Variants in TNKS2 observed in about 807,000 individuals in gnomAD.
The protein encoded by TNKS2 is tankyrase 2, also known as poly [ADP-ribose] polymerase tankyrase-2.
A neutral mutation model predicts 137.6 loss-of-function variants in TNKS2; 72 were observed. That is an observed-to-expected ratio of 0.52 (90% CI 0.43 to 0.64). TNKS2 has a LOEUF of 0.64. Ranked by LOEUF, TNKS2 falls within the 30% of genes least tolerant of loss-of-function variation. The probability of loss-of-function intolerance (pLI) is 0.00; values close to 1 mark genes in which losing one functional copy is unlikely to be tolerated. For missense variants in TNKS2, 1,049 were observed against 1,410.2 expected (o/e 0.74, Z 4.10); for synonymous variants, 516 against 512.1 (o/e 1.01, Z -0.10).
intron 12 of TNKS2, among the ~76,000 whole-genome samples, chr10:91,834,660 C>T (rs1251463530): frequency 6.6e-6 from 1 of 152,144 alleles, no homozygotes; most frequent in Non-Finnish European, 1.5e-5. Context: ...TGCCTTTGTT[C>T]TGGGAACCAC....
chr10:91,859,777 C>T (rs1245636662), intron 25 of TNKS2, 129 bp downstream of exon 25: 4 of 639,508 alleles, frequency 6.3e-6, no homozygotes. Flanking sequence ...TTGCTTTTGG[C>T]CCTCTCACCA....
chr10:91,801,952 A>G (rs1221229784), intron 1 of TNKS2, among the ~76,000 whole-genome samples: 4 of 152,222 alleles, frequency 2.6e-5, no homozygotes, highest in African/African-American at 7.2e-5. Context: ...AAAAGTAAAG[A>G]AGAGGTGACA....
intron 1 of TNKS2, among the ~76,000 whole-genome samples, chr10:91,810,414 A>C (rs1235186117): frequency 2.0e-5 from 3 of 151,704 alleles, no homozygotes; most frequent in Non-Finnish European, 2.9e-5. Context: ...AAACCCTGCT[A>C]TCTGAAAACA....
chr10:91,853,137 G>T (rs1182288063), intron 21 of TNKS2, among the ~76,000 whole-genome samples: 1 of 152,186 alleles, frequency 6.6e-6, no homozygotes, highest in East Asian at 1.9e-4. Context: ...TTAGGAAAGA[G>T]GCAGAGTAGA....
chr10:91,827,654 A>G (rs1845109220), intron 8 of TNKS2, among the ~76,000 whole-genome samples: 1 of 152,212 alleles, frequency 6.6e-6, no homozygotes, highest in Non-Finnish European at 1.5e-5. Flanking sequence ...AAGTAGATGT[A>G]GTGAGAAATA....
chr10:91,798,501 G>C lies in TNKS2; in HGVS notation c.-190G>C, dbSNP rs895797362. 1 of 546,110 alleles carries C rather than the reference G, an allele frequency of 1.8e-6. No homozygotes were observed. Among genetic ancestry groups the C allele is most frequent in the Non-Finnish European group, 2.6e-6 (1 of 379,782 alleles). The allele number at this position is 546,110 out of a possible 1,614,324, so 33.8% of individuals were successfully genotyped here. On this transcript the variant is annotated 5_prime_UTR_variant, in exon 1 of 27. Transcript: ENST00000371627. ...CTCCGCCGCCGCGGGGCAGCCGGGG[G>C]GCAGGGAGCCCAGCGAGGGGCGCGC... is the stretch of plus-strand genomic sequence containing the variant.
intron 1 of TNKS2, among the ~76,000 whole-genome samples, chr10:91,806,332 A>G (rs1281506645): frequency 1.3e-5 from 2 of 152,172 alleles, no homozygotes; most frequent in African/African-American, 4.8e-5. Flanking sequence ...TTGGTTAATT[A>G]AAGACAGAAA....
intron 1 of TNKS2, among the ~76,000 whole-genome samples, chr10:91,806,042 CTT>C (rs34004456): frequency 0.18 from 23,547 of 129,962 alleles, 2,342 homozygotes; most frequent in African/African-American, 0.35. Context: ...CATTCTTTCT[CTT>C]TTTTTTTTTT....
intron 12 of TNKS2, chr10:91,836,471 C>A: frequency 5.3e-6 from 1 of 189,930 alleles, no homozygotes; most frequent in Non-Finnish European, 9.8e-6. Context: ...TTCTACTAGT[C>A]TACCTTATGT....
chr10:91,860,909 T>C (rs1842836105), intron 25 of TNKS2, among the ~76,000 whole-genome samples: 1 of 152,194 alleles, frequency 6.6e-6, no homozygotes, highest in African/African-American at 2.4e-5. Flanking sequence ...ATTTGTCATA[T>C]ATGGTCTGAA....
At chr10:91,844,178 T>C (rs1381018608) in intron 16 of TNKS2, among the ~76,000 whole-genome samples, 1 of 152,246 alleles carries the variant, frequency 6.6e-6, no homozygotes, top group African/African-American at 2.4e-5. Context: ...TTTGTATGCA[T>C]AAAATATTTC....
rs532090072 is a variant in TNKS2 at position 91,806,103 on chromosome 10, A to G, written c.200-6880A>G. Among the ~76,000 whole-genome samples, 67 of 148,298 alleles carry G rather than the reference A, an allele frequency of 4.5e-4. 1 individual carries two copies. In the South Asian group the frequency reaches 6.5e-3, roughly 14 times the overall value. Reference sequence around the variant, plus strand: ...TTTTATTTACTGATCTCTCTGAAACATGCCAAAATTCATATAGCTAAGGGA... The same window carrying G: ...TTTTATTTACTGATCTCTCTGAAACGTGCCAAAATTCATATAGCTAAGGGA... On this transcript the variant is annotated intron_variant, in intron 1 of 26. Coordinates refer to ENST00000371627, the MANE Select transcript of TNKS2 (RefSeq NM_025235.4).
chr10:91,825,104 TTTTG>T (rs1845024750), intron 7 of TNKS2, among the ~76,000 whole-genome samples: 1 of 151,350 alleles, frequency 6.6e-6, no homozygotes, highest in African/African-American at 2.4e-5. Flanking sequence ...TTTTGTTTTG[TTTTG>T]TTTTGGTCGA....
intron 7 of TNKS2, 75 bp downstream of exon 7, chr10:91,822,437 GTTTCTT>G: frequency 8.1e-7 from 1 of 1,236,920 alleles, no homozygotes; most frequent in Non-Finnish European, 1.2e-6. Context: ...GTATGTCTGG[GTTTCTT>G]TTTATTTTCT....
chr10:91,833,658 C>T (rs1841893753), intron 11 of TNKS2, among the ~76,000 whole-genome samples, 195 bp from the exon 12 acceptor site: 1 of 152,108 alleles, frequency 6.6e-6, no homozygotes, highest in Non-Finnish European at 1.5e-5. Context: ...AAAATTGAGT[C>T]TTCCTTCTGA....
intron 1 of TNKS2, among the ~76,000 whole-genome samples, chr10:91,809,276 TG>T (rs939849371): frequency 6.6e-6 from 1 of 151,930 alleles, no homozygotes; most frequent in African/African-American, 2.4e-5. Context: ...GGAATAGGGG[TG>T]GGAGGAAGGC....
At chr10:91,812,509 C>G (rs1365949376) in intron 1 of TNKS2, among the ~76,000 whole-genome samples, 1 of 152,054 alleles carries the variant, frequency 6.6e-6, no homozygotes, top group African/African-American at 2.4e-5. Context: ...TTTTTTGTTG[C>G]TTCTTGTAGT....
chr10:91,812,058 CAAAA>C (rs11333861), intron 1 of TNKS2, among the ~76,000 whole-genome samples: 7 of 121,590 alleles, frequency 5.8e-5, no homozygotes, highest in South Asian at 2.5e-4. Context: ...CACTCCGTCT[CAAAA>C]AAAAAAAAAA....
At chr10:91,810,920 CTTTTTTTT>C (rs35240102) in intron 1 of TNKS2, among the ~76,000 whole-genome samples, 3 of 50,126 alleles carry the variant, frequency 6.0e-5, no homozygotes, top group African/African-American at 9.3e-5. Flanking sequence ...CTTTTCTTTT[CTTTTTTTT>C]TTTTTTTTTT....
Sources: gnomAD v4.1 joint callset for allele counts (sites outside exome capture counted in the v4.1 genomes callset) on GRCh38, gnomAD v4.1.1 for gene constraint, MANE v1.5 for transcripts, NCBI Gene and HGNC (gene_info 2026-07-23, HGNC 2026-07-21) for gene names.